FAR2: variants seen among roughly 807,000 people sequenced by gnomAD.
FAR2 encodes the protein fatty acyl-CoA reductase 2, also known as epididymis secretory protein Li 81.
Under a neutral mutation model 56.0 loss-of-function variants are expected in FAR2, and 19 were observed. The ratio of observed to expected loss-of-function variants is 0.34; its 90% CI spans 0.24 to 0.50. FAR2 has a LOEUF of 0.50. Ranked by LOEUF, FAR2 falls within the 20% of genes least tolerant of loss-of-function variation. The pLI is 0.98. For synonymous variants in FAR2, 219 were observed against 218.8 expected (o/e 1.00, Z -0.01); for missense variants, 508 against 642.2 (o/e 0.79, Z 2.26).
intron 1 of FAR2, among the ~76,000 whole-genome samples, chr12:29,237,354 G>A (rs1565483049): frequency 6.6e-6 from 1 of 152,138 alleles, no homozygotes; most frequent in South Asian, 2.1e-4. Context: ...AAGCAATGGT[G>A]GGTCAAAATA....
intron 1 of FAR2, among the ~76,000 whole-genome samples, chr12:29,198,736 T>C (rs994070238): frequency 1.8e-4 from 27 of 152,084 alleles, no homozygotes; most frequent in African/African-American, 5.8e-4. Flanking sequence ...CCTAGAAAGG[T>C]AGGAAAAGAC....
At chr12:29,302,445 G>A (rs1190191886) in intron 4 of FAR2, among the ~76,000 whole-genome samples, 2 of 152,066 alleles carry the variant, frequency 1.3e-5, no homozygotes, top group Admixed American at 6.5e-5. Context: ...ATGTGCACAC[G>A]TGCCTGGCAG....
chr12:29,303,921 G>T (rs532574222), intron 4 of FAR2, among the ~76,000 whole-genome samples: 2 of 152,260 alleles, frequency 1.3e-5, no homozygotes, highest in South Asian at 4.1e-4. Context: ...CATTGGCAGG[G>T]TATTCAGCAT....
At chr12:29,303,335 G>C (rs1371649825) in intron 4 of FAR2, among the ~76,000 whole-genome samples, 1 of 152,196 alleles carries the variant, frequency 6.6e-6, no homozygotes, top group East Asian at 1.9e-4. Context: ...TCACTGAGCA[G>C]TCTTCATTTG....
At chr12:29,187,585 T>A (rs1431989115) in intron 1 of FAR2, among the ~76,000 whole-genome samples, 7 of 152,126 alleles carry the variant, frequency 4.6e-5, no homozygotes, top group Non-Finnish European at 2.9e-5. Context: ...AGGGAATGAT[T>A]TATTCATAAT....
chr12:29,201,484 C>T (rs1307226936), intron 1 of FAR2, among the ~76,000 whole-genome samples: 1 of 152,136 alleles, frequency 6.6e-6, no homozygotes, highest in African/African-American at 2.4e-5. Flanking sequence ...AACCATCTGG[C>T]CCCTTAACTC....
At chr12:29,320,172 A>G (rs1949527489) in intron 9 of FAR2, among the ~76,000 whole-genome samples, 1 of 152,176 alleles carries the variant, frequency 6.6e-6, no homozygotes, top group Non-Finnish European at 1.5e-5. Flanking sequence ...GAGCCACTGC[A>G]CTACAGCCTG....
intron 8 of FAR2, among the ~76,000 whole-genome samples, chr12:29,315,315 A>G (rs1346811048): frequency 6.6e-6 from 1 of 152,180 alleles, no homozygotes; most frequent in Non-Finnish European, 1.5e-5. Context: ...TGGCTGCAGC[A>G]GAAGCACTGA....
intron 1 of FAR2, chr12:29,152,000 C>T (rs1199977890): frequency 6.6e-6 from 1 of 152,286 alleles, no homozygotes; most frequent in East Asian, 1.9e-4. Flanking sequence ...GACTGTAGAA[C>T]CTTTCTGACC....
At position 29,332,597 on chromosome 12, in the gene FAR2, C is replaced by T. The variant is rs376175656; in HGVS notation, c.1258-3C>T. On this transcript the variant is annotated splice_polypyrimidine_tract_variant and splice_region_variant and intron_variant, in intron 10 of 11. Transcript: ENST00000536681. ...GCAATCTATAATCTCTCTTGCCTCTCAGGTATTCAACTTTGACGTGCGCCA... is the reference window on the plus strand; with the variant it reads ...GCAATCTATAATCTCTCTTGCCTCTTAGGTATTCAACTTTGACGTGCGCCA... 63 of 1,613,426 alleles carry T rather than the reference C, an allele frequency of 3.9e-5. No homozygotes were observed. The highest frequency in any genetic ancestry group is 4.7e-5 in the Non-Finnish European group (56 of 1,179,650).
intron 1 of FAR2, among the ~76,000 whole-genome samples, chr12:29,194,980 T>C (rs984966954): frequency 3.3e-5 from 5 of 152,198 alleles, no homozygotes; most frequent in African/African-American, 1.2e-4. Context: ...TATGAATGGT[T>C]AAGTCTAAGT....
chr12:29,188,760 TTTGA>T (rs1280675291), intron 1 of FAR2, among the ~76,000 whole-genome samples: 4 of 152,128 alleles, frequency 2.6e-5, no homozygotes, highest in South Asian at 2.1e-4. Context: ...TTTTTGTTTG[TTTGA>T]TTGTTTGTTT....
At chr12:29,280,690 A>G (rs990512068) in intron 2 of FAR2, 1 of 152,240 alleles carries the variant, frequency 6.6e-6, no homozygotes, top group African/African-American at 2.4e-5. Flanking sequence ...GATCCATGCT[A>G]AGGGAAGGTT....
intron 10 of FAR2, among the ~76,000 whole-genome samples, chr12:29,324,769 C>T (rs1949615947): frequency 6.6e-6 from 1 of 152,166 alleles, no homozygotes; most frequent in Non-Finnish European, 1.5e-5. Flanking sequence ...TGGAAAGGAA[C>T]AACTGATACC....
At chr12:29,324,985 G>A (rs1949620779) in intron 10 of FAR2, among the ~76,000 whole-genome samples, 2 of 139,494 alleles carry the variant, frequency 1.4e-5, no homozygotes, top group African/African-American at 2.6e-5. Flanking sequence ...AACCATCAGT[G>A]TGCTGTATTC....
At chr12:29,156,112 G>T (rs954812224) in intron 1 of FAR2, among the ~76,000 whole-genome samples, 2 of 152,062 alleles carry the variant, frequency 1.3e-5, no homozygotes, top group African/African-American at 4.8e-5. Flanking sequence ...TGGGGAGGTG[G>T]GGGGAAGTTA....
chr12:29,310,967 C>A (rs1018392115), intron 6 of FAR2, 61 bp from the exon 7 acceptor site: 2 of 1,257,124 alleles, frequency 1.6e-6, no homozygotes, highest in Non-Finnish European at 2.3e-6. Flanking sequence ...ATGATACATA[C>A]TTTAGCCCCA....
At chr12:29,257,544 A>G (rs1329027570) in intron 1 of FAR2, among the ~76,000 whole-genome samples, 1 of 152,134 alleles carries the variant, frequency 6.6e-6, no homozygotes, top group African/African-American at 2.4e-5. Flanking sequence ...AAATCTTGCT[A>G]CTGCTCACTC....
At chr12:29,271,466 T>C (rs1326385531) in intron 2 of FAR2, among the ~76,000 whole-genome samples, 1 of 152,220 alleles carries the variant, frequency 6.6e-6, no homozygotes, top group Non-Finnish European at 1.5e-5. Flanking sequence ...TTGTTCATAA[T>C]GCACTTTGGA....
Sources: allele counts gnomAD v4.1 joint callset (sites outside exome capture counted in the v4.1 genomes callset), GRCh38; gene constraint gnomAD v4.1.1; transcripts MANE v1.5; gene names NCBI Gene and HGNC (gene_info 2026-07-23, HGNC 2026-07-21).